The following NKAIN3 variants were observed in gnomAD, a reference collection of about 807,000 sequenced individuals.
The protein encoded by NKAIN3 is sodium/potassium transporting ATPase interacting 3, also known as sodium/potassium-transporting ATPase subunit beta-1-interacting protein 3.
In NKAIN3, 25 loss-of-function variants were observed where a neutral mutation model predicts 30.2. That is an observed-to-expected ratio of 0.83 (90% CI 0.60 to 1.16). The LOEUF is 1.16. Ranked by LOEUF, NKAIN3 falls within the 50% of genes most tolerant of loss-of-function variation. The pLI, the probability that NKAIN3 is intolerant of heterozygous loss-of-function variation, is 0.00. For missense variants in NKAIN3, 225 were observed against 254.1 expected (o/e 0.89, Z 0.78); for synonymous variants, 91 against 89.6 (o/e 1.02, Z -0.09).
intron 4 of NKAIN3, among the ~76,000 whole-genome samples, chr8:62,765,263 A>AG (rs997727805): frequency 6.7e-5 from 9 of 133,444 alleles, no homozygotes; most frequent in African/African-American, 1.6e-4. Context: ...AAAAAAAAAA[A>AG]AAAGAAAAGA....
chr8:62,835,065 G>A (rs1229189455), intron 4 of NKAIN3, among the ~76,000 whole-genome samples: 2 of 151,994 alleles, frequency 1.3e-5, no homozygotes, highest in East Asian at 1.9e-4. Flanking sequence ...ACAAAAATAA[G>A]CAATGGGAAA....
intron 3 of NKAIN3, among the ~76,000 whole-genome samples, chr8:62,715,576 A>C (rs1312087188): frequency 6.6e-6 from 1 of 152,204 alleles, no homozygotes; most frequent in African/African-American, 2.4e-5. Flanking sequence ...GATATTATCT[A>C]TGCTGTCGGT....
chr8:62,282,796 T>C (rs1019643141), intron 1 of NKAIN3, among the ~76,000 whole-genome samples: 3 of 152,204 alleles, frequency 2.0e-5, no homozygotes, highest in Non-Finnish European at 4.4e-5. Context: ...TATACTGTCC[T>C]TCTAGGCCTA....
intron 1 of NKAIN3, among the ~76,000 whole-genome samples, chr8:62,256,868 A>G (rs1259100145): frequency 6.6e-6 from 1 of 152,234 alleles, no homozygotes; most frequent in Non-Finnish European, 1.5e-5. Flanking sequence ...TGGTTTCAAC[A>G]TTCCTTCTAG....
At chr8:62,490,218 G>A (rs570316554) in intron 1 of NKAIN3, among the ~76,000 whole-genome samples, 1 of 152,068 alleles carries the variant, frequency 6.6e-6, no homozygotes, top group African/African-American at 2.4e-5. Context: ...ATGTGGCCAA[G>A]CCTGATTCAA....
At chr8:62,835,704 G>A (rs974857902) in intron 4 of NKAIN3, among the ~76,000 whole-genome samples, 1 of 152,036 alleles carries the variant, frequency 6.6e-6, no homozygotes, top group African/African-American at 2.4e-5. Flanking sequence ...ATGCTGGTGA[G>A]GCTGTGAAGA....
At chr8:62,383,049 C>G (rs1476784258) in intron 1 of NKAIN3, among the ~76,000 whole-genome samples, 1 of 152,102 alleles carries the variant, frequency 6.6e-6, no homozygotes, top group Non-Finnish European at 1.5e-5. Flanking sequence ...TTATAATCCT[C>G]TGGTCTAGAG....
intron 1 of NKAIN3, among the ~76,000 whole-genome samples, chr8:62,367,293 T>G (rs1271531535): frequency 6.6e-6 from 1 of 152,176 alleles, no homozygotes; most frequent in Non-Finnish European, 1.5e-5. Context: ...GTGATGTCCC[T>G]GATGAACATA....
chr8:62,807,382 CA>C (rs1818329489), intron 4 of NKAIN3, among the ~76,000 whole-genome samples: 2 of 152,016 alleles, frequency 1.3e-5, no homozygotes, highest in South Asian at 4.1e-4. Flanking sequence ...ATGTAGATTA[CA>C]GATTTTTTAA....
At chr8:62,858,552 G>A (rs1002510692) in intron 4 of NKAIN3, among the ~76,000 whole-genome samples, 2 of 152,194 alleles carry the variant, frequency 1.3e-5, no homozygotes, top group African/African-American at 4.8e-5. Context: ...TGCAGGTTGA[G>A]GTAGCTGGAG....
chr8:62,415,582 A>T (rs1804418781), intron 1 of NKAIN3, among the ~76,000 whole-genome samples: 1 of 151,010 alleles, frequency 6.6e-6, no homozygotes, highest in East Asian at 1.9e-4. Flanking sequence ...TTTTAATTAC[A>T]GGTTACATAT....
At chr8:62,652,628 G>A (rs1812658888) in intron 3 of NKAIN3, among the ~76,000 whole-genome samples, 1 of 152,168 alleles carries the variant, frequency 6.6e-6, no homozygotes, top group African/African-American at 2.4e-5. Context: ...ACTGGGAATA[G>A]TCTGATATAT....
chr8:62,919,902 C>A (rs1822226524), intron 5 of NKAIN3, among the ~76,000 whole-genome samples: 1 of 71,682 alleles, frequency 1.4e-5, no homozygotes, highest in Non-Finnish European at 2.3e-5. Flanking sequence ...AATGCTTACA[C>A]AGAGTTTTTT....
rs1282835036 is a variant in NKAIN3 at position 62,289,236 on chromosome 8, C to A, written c.54+40109C>A. Among the ~76,000 whole-genome samples the A allele has an allele frequency of 2.0e-5, 3 of 152,270 alleles. No individual in the cohort carries two copies. In the East Asian group the frequency reaches 5.8e-4, roughly 29 times the overall value. On this transcript the variant is annotated intron_variant, in intron 1 of 6. Coordinates refer to ENST00000623646, the MANE Select transcript of NKAIN3 (RefSeq NM_001304533.3). The stretch of plus-strand genomic sequence containing the variant: ...TAGTTTCTTTTGCTGTGCAGAAGCT[C>A]TTTAGTTTAAGTAGATCCCATTTGT...
intron 3 of NKAIN3, among the ~76,000 whole-genome samples, chr8:62,645,126 G>A (rs985468718): frequency 2.6e-5 from 4 of 152,074 alleles, no homozygotes; most frequent in Non-Finnish European, 4.4e-5. Flanking sequence ...AGCAGGGGAG[G>A]TGGAGCCAAA....
chr8:62,479,747 A>T (rs928137113), intron 1 of NKAIN3, among the ~76,000 whole-genome samples: 1 of 152,138 alleles, frequency 6.6e-6, no homozygotes, highest in Non-Finnish European at 1.5e-5. Context: ...AGGAGAAGAG[A>T]TGAGGAATGT....
chr8:62,388,195 G>C (rs1408829100), intron 1 of NKAIN3, among the ~76,000 whole-genome samples: 2 of 152,156 alleles, frequency 1.3e-5, no homozygotes, highest in South Asian at 4.1e-4. Context: ...CCAAATATTA[G>C]TGTGAAAATC....
chr8:62,525,327 C>CA (rs1433530548), intron 1 of NKAIN3, among the ~76,000 whole-genome samples: 1 of 152,062 alleles, frequency 6.6e-6, no homozygotes, highest in Non-Finnish European at 1.5e-5. Context: ...GAGGCAATTT[C>CA]ATAAGTGAAG....
intron 1 of NKAIN3, among the ~76,000 whole-genome samples, chr8:62,345,622 T>TATATACACATATATGTATATACACAC (rs1585706501): frequency 1.5e-5 from 2 of 129,802 alleles, no homozygotes; most frequent in African/African-American, 3.7e-5. Context: ...TATACACACA[T>TATATACACATATATGTATATACACAC]ATATATACAC....
Sources: allele counts gnomAD v4.1 joint callset (sites outside exome capture counted in the v4.1 genomes callset), GRCh38; gene constraint gnomAD v4.1.1; transcripts MANE v1.5; gene names NCBI Gene and HGNC (gene_info 2026-07-23, HGNC 2026-07-21).